Variants in GPC6 observed in about 807,000 individuals in gnomAD.
GPC6 encodes the protein glypican 6, also known as glypican-6.
GPC6 carries 14 observed loss-of-function variants against 55.2 expected under a neutral mutation model. The observed-to-expected ratio is 0.25, with a 90% CI of 0.17 to 0.40. The LOEUF (loss-of-function observed/expected upper bound fraction) is 0.40, where lower values mean the gene tolerates loss of function less well. GPC6 is among the 10% of genes least tolerant of loss of function. The probability of loss-of-function intolerance (pLI) is 1.00; values close to 1 mark genes in which losing one functional copy is unlikely to be tolerated. For synonymous variants in GPC6, 278 were observed against 259.6 expected (o/e 1.07, Z -0.68); for missense variants, 641 against 708.5 (o/e 0.90, Z 1.08).
chr13:93,484,800 C>T (rs559231645), intron 1 of GPC6, among the ~76,000 whole-genome samples: 3 of 152,026 alleles, frequency 2.0e-5, no homozygotes, highest in Admixed American at 1.3e-4. Context: ...TCTGTGTTAG[C>T]GATGACTATT....
At chr13:93,575,222 C>T (rs760286902) in intron 2 of GPC6, among the ~76,000 whole-genome samples, 9 of 151,964 alleles carry the variant, frequency 5.9e-5, no homozygotes, top group South Asian at 2.1e-4. Flanking sequence ...ACCCGGGAGG[C>T]GGAGGTTGGA....
intron 4 of GPC6, among the ~76,000 whole-genome samples, chr13:94,053,738 C>T (rs1464659511): frequency 6.6e-6 from 1 of 152,036 alleles, no homozygotes; most frequent in African/African-American, 2.4e-5. Context: ...CTTAGGGAAA[C>T]AATTAGATAT....
At chr13:93,364,685 G>GTA (rs1297559112) in intron 1 of GPC6, among the ~76,000 whole-genome samples, 30 of 131,686 alleles carry the variant, frequency 2.3e-4, no homozygotes, top group African/African-American at 4.3e-4. Context: ...GTGTGTGTGT[G>GTA]TATATATATA....
chr13:94,210,188 G>C (rs1185609159), intron 4 of GPC6, among the ~76,000 whole-genome samples: 1 of 140,922 alleles, frequency 7.1e-6, no homozygotes, highest in Non-Finnish European at 1.5e-5. Flanking sequence ...ACAGAGTCTC[G>C]CTGTGCCACC....
At chr13:93,806,747 A>G (rs1431016821) in intron 2 of GPC6, among the ~76,000 whole-genome samples, 7 of 152,212 alleles carry the variant, frequency 4.6e-5, no homozygotes, top group Non-Finnish European at 8.8e-5. Flanking sequence ...CTAACAAGGG[A>G]TACTGCCAAA....
At chr13:93,257,972 G>C (rs1877010890) in intron 1 of GPC6, among the ~76,000 whole-genome samples, 2 of 152,146 alleles carry the variant, frequency 1.3e-5, no homozygotes, top group Non-Finnish European at 2.9e-5. Flanking sequence ...GACACTTCTA[G>C]AAACTTCCAG....
At chr13:93,502,838 G>A (rs1880571422) in intron 1 of GPC6, among the ~76,000 whole-genome samples, 1 of 152,090 alleles carries the variant, frequency 6.6e-6, no homozygotes, top group African/African-American at 2.4e-5. Context: ...GTCACTGTAT[G>A]TAGAATTAGG....
chr13:93,347,468 T>C (rs1378416393), intron 1 of GPC6, among the ~76,000 whole-genome samples: 1 of 152,176 alleles, frequency 6.6e-6, no homozygotes, highest in Non-Finnish European at 1.5e-5. Context: ...GTCTTCAGTA[T>C]CACAGTGACC....
At chr13:93,637,238 G>C (rs1228137248) in intron 2 of GPC6, among the ~76,000 whole-genome samples, 1 of 152,084 alleles carries the variant, frequency 6.6e-6, no homozygotes. Context: ...TCGCTTTAAG[G>C]GTGCAGTAAA....
the GPC6 span, among the ~76,000 whole-genome samples, chr13:93,220,618 T>C: frequency 1.3e-5 from 2 of 152,306 alleles, no homozygotes; most frequent in African/African-American, 4.8e-5. Flanking sequence ...ATTAATATTG[T>C]GAGCCTTCAA....
At chr13:93,740,742 A>C (rs577344276) in intron 2 of GPC6, among the ~76,000 whole-genome samples, 1 of 152,230 alleles carries the variant, frequency 6.6e-6, no homozygotes, top group Non-Finnish European at 1.5e-5. Context: ...ATTTCAAAGA[A>C]CAATTCTAAA....
intron 2 of GPC6, among the ~76,000 whole-genome samples, chr13:93,642,552 A>G (rs1190061202): frequency 6.6e-6 from 1 of 152,050 alleles, no homozygotes; most frequent in African/African-American, 2.4e-5. Context: ...TTCAACCCTT[A>G]GTTCTTTGAG....
At chr13:93,280,520 A>C (rs1342010356) in intron 1 of GPC6, among the ~76,000 whole-genome samples, 3 of 152,254 alleles carry the variant, frequency 2.0e-5, no homozygotes, top group Non-Finnish European at 4.4e-5. Flanking sequence ...GGCACTTTTG[A>C]ATACAGCTTA....
intron 4 of GPC6, among the ~76,000 whole-genome samples, chr13:94,280,569 C>A (rs1892349807): frequency 6.6e-6 from 1 of 152,190 alleles, no homozygotes; most frequent in South Asian, 2.1e-4. Context: ...ATGCCATGGG[C>A]ATTAATCAGC....
At chr13:94,340,394 A>G (rs575935912) in intron 6 of GPC6, among the ~76,000 whole-genome samples, 49 of 152,328 alleles carry the variant, frequency 3.2e-4, no homozygotes, top group Non-Finnish European at 4.9e-4. Flanking sequence ...AAAAAACCCA[A>G]AGGAAAGCCA....
intron 1 of GPC6, among the ~76,000 whole-genome samples, chr13:93,318,463 A>T (rs1879317326): frequency 6.6e-6 from 1 of 152,198 alleles, no homozygotes; most frequent in Non-Finnish European, 1.5e-5. Flanking sequence ...TTGAGACTCC[A>T]GTTCAACATG....
chr13:93,571,169 C>G (rs142039428), intron 2 of GPC6, among the ~76,000 whole-genome samples: 38 of 152,184 alleles, frequency 2.5e-4, no homozygotes, highest in African/African-American at 8.7e-4. Context: ...ACAGGGAGAT[C>G]TAGATTTGGC....
intron 2 of GPC6, among the ~76,000 whole-genome samples, chr13:93,769,503 C>G (rs960858067): frequency 6.6e-6 from 1 of 152,058 alleles, no homozygotes; most frequent in African/African-American, 2.4e-5. Context: ...GGAGGATCAC[C>G]TTTCTCCACA....
intron 4 of GPC6, among the ~76,000 whole-genome samples, chr13:94,227,378 T>C (rs1440549401): frequency 1.3e-5 from 2 of 152,294 alleles, no homozygotes; most frequent in Non-Finnish European, 2.9e-5. Context: ...AGATACACTA[T>C]TGTCTCTTTT....
Sources: allele counts gnomAD v4.1 joint callset (sites outside exome capture counted in the v4.1 genomes callset), GRCh38; gene constraint gnomAD v4.1.1; transcripts MANE v1.5; gene names NCBI Gene and HGNC (gene_info 2026-07-23, HGNC 2026-07-21).